Variants in IMMP2L observed in about 807,000 individuals in gnomAD.
The protein encoded by IMMP2L is inner mitochondrial membrane peptidase subunit 2, also known as mitochondrial inner membrane protease subunit 2.
Under a neutral mutation model 19.3 loss-of-function variants are expected in IMMP2L, and 18 were observed. The observed-to-expected ratio is 0.93, with a 90% CI of 0.64 to 1.38. The LOEUF (loss-of-function observed/expected upper bound fraction) is 1.38, where lower values mean the gene tolerates loss of function less well. Ranked by LOEUF, IMMP2L falls within the 40% of genes most tolerant of loss-of-function variation. The pLI, the probability that IMMP2L is intolerant of heterozygous loss-of-function variation, is 0.00. For missense variants in IMMP2L, 233 were observed against 218.2 expected (o/e 1.07, Z -0.43); for synonymous variants, 76 against 73.0 (o/e 1.04, Z -0.21).
chr7:111,299,101 T>C (rs965472234), intron 3 of IMMP2L, among the ~76,000 whole-genome samples: 3 of 152,110 alleles, frequency 2.0e-5, no homozygotes, highest in African/African-American at 4.8e-5. Context: ...AAATAACTGG[T>C]GTACAATGTC....
intron 3 of IMMP2L, among the ~76,000 whole-genome samples, chr7:111,043,534 G>C (rs1792094146): frequency 6.6e-6 from 1 of 152,200 alleles, no homozygotes; most frequent in Non-Finnish European, 1.5e-5. Context: ...AGCTGAATTT[G>C]AGAGTTTTCT....
chr7:111,300,366 A>G (rs1189712397), intron 3 of IMMP2L, among the ~76,000 whole-genome samples: 1 of 152,198 alleles, frequency 6.6e-6, no homozygotes, highest in Non-Finnish European at 1.5e-5. Flanking sequence ...CAAAATAATG[A>G]GTAAAGGGTT....
chr7:110,852,518 T>TCAAAG (rs1806341580), intron 5 of IMMP2L, among the ~76,000 whole-genome samples: 2 of 152,156 alleles, frequency 1.3e-5, no homozygotes, highest in African/African-American at 4.8e-5. Context: ...TCTATAGGGC[T>TCAAAG]GTTGATGATG....
intron 5 of IMMP2L, among the ~76,000 whole-genome samples, chr7:110,670,870 C>T (rs1040009303): frequency 6.6e-6 from 1 of 152,128 alleles, no homozygotes; most frequent in Non-Finnish European, 1.5e-5. Context: ...GTATAAATAA[C>T]TCTTCCAATA....
Position 110,667,181 on chromosome 7 carries a change from CT to C in IMMP2L, c.409-3461del, listed in dbSNP as rs571312491. ...CACTGCGCCCGGCCTGGAATAAATT[CT>C]TTTTTTTCTCCCCAGTATAGTTATG... is the stretch of plus-strand genomic sequence containing the variant. On this transcript the variant is annotated intron_variant, in intron 5 of 5. Transcript: ENST00000405709. Among the ~76,000 whole-genome samples, 4 of 152,116 alleles carry C rather than the reference CT, an allele frequency of 2.6e-5. No homozygotes were observed. The South Asian group carries it at 8.3e-4, about 32-fold the overall frequency.
chr7:110,982,830 G>A (rs920343698), intron 3 of IMMP2L, among the ~76,000 whole-genome samples: 1 of 151,826 alleles, frequency 6.6e-6, no homozygotes, highest in Non-Finnish European at 1.5e-5. Flanking sequence ...GTCTAGTGTG[G>A]AAATGGTAGC....
rs78420830 is a variant in IMMP2L, at chr7:110,962,566, A to G, written c.305+934T>C. On this transcript the variant is annotated intron_variant, in intron 4 of 5. Transcript: ENST00000405709. ...ACATATCTGGAAAATTCCACTGTACACTCACAAGAGAATGAGAGTGAAAAA... is the reference window on the plus strand; with the variant it reads ...ACATATCTGGAAAATTCCACTGTACGCTCACAAGAGAATGAGAGTGAAAAA... 1,133 of 205,812 alleles carry G rather than the reference A, an allele frequency of 5.5e-3. 10 individuals are homozygous for G. The highest frequency in any genetic ancestry group is 0.021 in the African/African-American group (871 of 42,410). The allele number at this position is 205,812 out of a possible 1,614,324, so 12.7% of individuals were successfully genotyped here.
chr7:111,186,827 A>G (rs1319406217), intron 3 of IMMP2L, among the ~76,000 whole-genome samples: 1 of 152,078 alleles, frequency 6.6e-6, no homozygotes, highest in African/African-American at 2.4e-5. Context: ...AACCTCTGGA[A>G]TTCATGTATA....
intron 4 of IMMP2L, among the ~76,000 whole-genome samples, chr7:110,949,617 T>C (rs577905579): frequency 6.6e-6 from 1 of 152,336 alleles, no homozygotes; most frequent in Non-Finnish European, 1.5e-5. Flanking sequence ...TGCCTATGGT[T>C]GTTTTCATGC....
At chr7:111,526,897 T>A (rs934691660) in intron 1 of IMMP2L, among the ~76,000 whole-genome samples, 4 of 152,106 alleles carry the variant, frequency 2.6e-5, no homozygotes, top group African/African-American at 9.7e-5. Flanking sequence ...CTATCTTAGT[T>A]ATAAGGTAGT....
chr7:111,120,024 G>C (rs191807262), intron 3 of IMMP2L, among the ~76,000 whole-genome samples: 1 of 152,304 alleles, frequency 6.6e-6, no homozygotes, highest in East Asian at 1.9e-4. Context: ...CAGGCAGAGT[G>C]ATGCAACCAT....
chr7:111,361,514 A>G (rs1829257758), intron 3 of IMMP2L, among the ~76,000 whole-genome samples: 1 of 152,182 alleles, frequency 6.6e-6, no homozygotes, highest in South Asian at 2.1e-4. Context: ...TCTTAAAGCA[A>G]GCAATTAATA....
In IMMP2L at chr7:111,476,701, T is replaced by C. The variant is rs190072883; in HGVS notation, c.239+10537A>G. 2.0e-3 allele frequency among the ~76,000 whole-genome samples: 306 copies of C among 152,278 alleles called. 2 individuals carry two copies. The highest frequency in any genetic ancestry group is 3.0e-3 in the Non-Finnish European group (206 of 68,012). On this transcript the variant is annotated intron_variant, in intron 3 of 5. Transcript: ENST00000405709. ...GAGGTACTTGTTTCCTTGCTGATCTTTGATTGAAGGTTATTCTTACCTTCT... is the reference window on the plus strand; with the variant it reads ...GAGGTACTTGTTTCCTTGCTGATCTCTGATTGAAGGTTATTCTTACCTTCT...
intron 5 of IMMP2L, among the ~76,000 whole-genome samples, chr7:110,782,337 A>C (rs564062710): frequency 1.3e-5 from 2 of 152,048 alleles, no homozygotes; most frequent in Non-Finnish European, 1.5e-5. Flanking sequence ...AAAAATAAAC[A>C]AACAGCATAA....
intron 3 of IMMP2L, among the ~76,000 whole-genome samples, chr7:111,403,150 G>T (rs914412083): frequency 6.6e-6 from 1 of 151,924 alleles, no homozygotes; most frequent in Admixed American, 6.6e-5. Flanking sequence ...GTTGAGGAAG[G>T]GACCTGGTGG....
chr7:111,119,806 G>T (rs214869), intron 3 of IMMP2L, among the ~76,000 whole-genome samples: 7,790 of 152,154 alleles, frequency 0.051, 349 homozygotes, highest in African/African-American at 0.12. Context: ...TCTCAAGGAG[G>T]TTAGTGCCTG....
intron 4 of IMMP2L, among the ~76,000 whole-genome samples, chr7:110,940,831 T>C (rs1816664264): frequency 7.5e-6 from 1 of 133,238 alleles, no homozygotes; most frequent in Non-Finnish European, 1.6e-5. Context: ...TTCTGTTTTA[T>C]TTACTAGTTG....
chr7:110,952,577 T>A (rs966252915), intron 4 of IMMP2L, among the ~76,000 whole-genome samples: 1 of 152,104 alleles, frequency 6.6e-6, no homozygotes, highest in Admixed American at 6.6e-5. Flanking sequence ...CCAAAGCCAG[T>A]CCAAGAAGTG....
At chr7:110,694,825 G>A (rs1158343342) in intron 5 of IMMP2L, among the ~76,000 whole-genome samples, 1 of 152,028 alleles carries the variant, frequency 6.6e-6, no homozygotes, top group African/African-American at 2.4e-5. Flanking sequence ...CTGGATGGGT[G>A]GATAACTGAA....
Sources: gnomAD v4.1 joint callset for allele counts (sites outside exome capture counted in the v4.1 genomes callset) on GRCh38, gnomAD v4.1.1 for gene constraint, MANE v1.5 for transcripts, NCBI Gene and HGNC (gene_info 2026-07-23, HGNC 2026-07-21) for gene names.